Variants in STPG2 observed in about 807,000 individuals in gnomAD.
STPG2 encodes the protein sperm tail PG-rich repeat containing 2, also known as sperm-tail PG-rich repeat-containing protein 2.
STPG2 carries 56 observed loss-of-function variants against 54.2 expected under a neutral mutation model. The ratio of observed to expected loss-of-function variants is 1.03; its 90% CI spans 0.83 to 1.29. The LOEUF (loss-of-function observed/expected upper bound fraction) is 1.29, where lower values mean the gene tolerates loss of function less well. Among genes scored for constraint, STPG2 ranks in the 50% most tolerant of loss-of-function variants. STPG2 has a pLI of 0.00. For missense variants in STPG2, 596 were observed against 544.9 expected, an observed-to-expected ratio of 1.09 and a Z score of -0.93; for synonymous variants, 200 against 181.8, an observed-to-expected ratio of 1.10 and a Z score of -0.81.
At chr4:97,838,537 C>A (rs547147667) in intron 9 of STPG2, among the ~76,000 whole-genome samples, 1 of 150,464 alleles carries the variant, frequency 6.6e-6, no homozygotes, top group African/African-American at 2.4e-5. Context: ...TCAAAAAAAA[C>A]GTAAAACTCT....
chr4:98,125,859 T>C (rs561083435), intron 3 of STPG2, among the ~76,000 whole-genome samples: 1 of 152,188 alleles, frequency 6.6e-6, no homozygotes, highest in Non-Finnish European at 1.5e-5. Context: ...CATAAACCCC[T>C]GGCTGGAGTT....
intron 4 of STPG2, among the ~76,000 whole-genome samples, chr4:97,516,669 C>CA (rs113398459): frequency 3.7e-4 from 56 of 151,364 alleles, no homozygotes; most frequent in South Asian, 4.2e-4. Flanking sequence ...ACTAAAAATA[C>CA]AAAAAAAATT....
intron 4 of STPG2, among the ~76,000 whole-genome samples, chr4:97,505,095 C>G (rs986189053): frequency 2.0e-5 from 3 of 151,380 alleles, no homozygotes; most frequent in African/African-American, 7.3e-5. Flanking sequence ...CTAGAAATAG[C>G]TAATAAAATA....
chr4:97,811,883 T>C (rs1422251343), intron 9 of STPG2, among the ~76,000 whole-genome samples: 1 of 152,124 alleles, frequency 6.6e-6, no homozygotes, highest in Non-Finnish European at 1.5e-5. Context: ...AAAACTTCAG[T>C]ATGTTTTCTG....
chr4:97,666,337 G>A (rs1354032112), intron 10 of STPG2, among the ~76,000 whole-genome samples: 1 of 152,144 alleles, frequency 6.6e-6, no homozygotes, highest in Non-Finnish European at 1.5e-5. Flanking sequence ...TTATAGAGTG[G>A]CAAGAGAAGA....
intron 10 of STPG2, among the ~76,000 whole-genome samples, chr4:97,618,721 GTT>G (rs1733933152): frequency 1.3e-5 from 2 of 152,152 alleles, no homozygotes; most frequent in African/African-American, 4.8e-5. Context: ...ACTACAAGGA[GTT>G]TACTTGCTAG....
rs1488961230 is a variant in STPG2, at chr4:97,712,712, GGGCCT to G, written c.1302_1306del (p.Gly435SerfsTer4). ...ATATTGACAAACCTCATATGTTGCT[GGGCCT>G]GGAGTAATCTCTTTGGACTCTTCAA... On this transcript the variant is annotated frameshift_variant, in exon 10 of 11. Transcript: ENST00000295268. LOFTEE classifies it high-confidence loss of function. The G allele has an allele frequency of 1.9e-6, 3 of 1,580,072 alleles. No homozygotes were observed. Among genetic ancestry groups the G allele is most frequent in the Non-Finnish European group, 2.6e-6 (3 of 1,162,512 alleles).
chr4:97,543,787 G>C (rs114903689), intron 4 of STPG2, among the ~76,000 whole-genome samples: 1 of 151,908 alleles, frequency 6.6e-6, no homozygotes, highest in Non-Finnish European at 1.5e-5. Context: ...GTCTTTTTGA[G>C]AGCATAAATA....
chr4:98,040,301 C>T (rs1736910370), intron 5 of STPG2, among the ~76,000 whole-genome samples: 1 of 151,850 alleles, frequency 6.6e-6, no homozygotes, highest in African/African-American at 2.4e-5. Flanking sequence ...ATTTATTTTG[C>T]TATGCAGAAG....
At chr4:97,739,175 G>C (rs1363497648) in intron 9 of STPG2, among the ~76,000 whole-genome samples, 3 of 151,932 alleles carry the variant, frequency 2.0e-5, no homozygotes, top group African/African-American at 7.3e-5. Context: ...CGAGAACAAA[G>C]ACACAACATA....
chr4:97,850,728 C>A (rs1038298408), intron 8 of STPG2, among the ~76,000 whole-genome samples: 1 of 152,104 alleles, frequency 6.6e-6, no homozygotes, highest in Non-Finnish European at 1.5e-5. Context: ...CTAGTAACTT[C>A]TATTTTCTTT....
At chr4:98,037,780 C>T (rs2149304780) in intron 5 of STPG2, among the ~76,000 whole-genome samples, 1 of 152,148 alleles carries the variant, frequency 6.6e-6, no homozygotes, top group South Asian at 2.1e-4. Flanking sequence ...CATAAATCAA[C>T]ATTGTTCCTA....
chr4:97,444,983 G>C (rs573872167), intron 4 of STPG2, among the ~76,000 whole-genome samples: 1 of 152,298 alleles, frequency 6.6e-6, no homozygotes, highest in East Asian at 1.9e-4. Context: ...CTTGCAGTGA[G>C]TGGAGATCGT....
At chr4:97,723,459 C>T (rs774044071) in intron 9 of STPG2, among the ~76,000 whole-genome samples, 2 of 152,072 alleles carry the variant, frequency 1.3e-5, no homozygotes, top group Non-Finnish European at 2.9e-5. Flanking sequence ...TGCAAGTGTA[C>T]CCACTGAATC....
chr4:97,998,387 A>T (rs1427786316), intron 5 of STPG2, among the ~76,000 whole-genome samples: 1 of 152,198 alleles, frequency 6.6e-6, no homozygotes, highest in African/African-American at 2.4e-5. Context: ...GGTGTCATAC[A>T]TGTAAATATC....
chr4:97,593,651 A>T (rs1281039627), intron 10 of STPG2, among the ~76,000 whole-genome samples: 1 of 152,042 alleles, frequency 6.6e-6, no homozygotes, highest in Non-Finnish European at 1.5e-5. Flanking sequence ...CACCCCAGCC[A>T]ATGCCCCTGT....
At chr4:98,118,716 C>T (rs1478893912) in intron 3 of STPG2, among the ~76,000 whole-genome samples, 1 of 152,080 alleles carries the variant, frequency 6.6e-6, no homozygotes, top group African/African-American at 2.4e-5. Flanking sequence ...GATTGCAAGG[C>T]TCAGGCAAGC....
intron 4 of STPG2, chr4:97,441,665 A>G (rs1044331484): frequency 1.1e-4 from 16 of 152,006 alleles, no homozygotes; most frequent in Non-Finnish European, 4.4e-5. Flanking sequence ...ATTTCACAAA[A>G]TACTCTTTTT....
At chr4:98,036,886 T>C (rs1168469366) in intron 5 of STPG2, among the ~76,000 whole-genome samples, 1 of 152,182 alleles carries the variant, frequency 6.6e-6, no homozygotes, top group East Asian at 1.9e-4. Context: ...CAACTAAAAA[T>C]ATAGTTTTCT....
Sources: allele counts gnomAD v4.1 joint callset (sites outside exome capture counted in the v4.1 genomes callset), GRCh38; gene constraint gnomAD v4.1.1; transcripts MANE v1.5; gene names NCBI Gene and HGNC (gene_info 2026-07-23, HGNC 2026-07-21).